Variants in TMCO4 observed in about 807,000 individuals in gnomAD.
TMCO4 encodes transmembrane and coiled-coil domains 4, also known as transmembrane and coiled-coil domain-containing protein 4.
TMCO4 carries 58 observed loss-of-function variants against 64.7 expected under a neutral mutation model. That is an observed-to-expected ratio of 0.90 (90% CI 0.73 to 1.12). The LOEUF is 1.12. Ranked by LOEUF, TMCO4 falls within the 50% of genes most tolerant of loss-of-function variation. The pLI, the probability that TMCO4 is intolerant of heterozygous loss-of-function variation, is 0.00. For synonymous variants in TMCO4, 325 were observed against 346.1 expected, an observed-to-expected ratio of 0.94 and a Z score of 0.68; for missense variants, 780 against 825.9, an observed-to-expected ratio of 0.94 and a Z score of 0.68.
In TMCO4 at chr1:19,682,430, T is replaced by C. The variant is rs1350211513; in HGVS notation, c.*610A>G. 3.4e-6 allele frequency: 2 copies of C among 582,554 alleles called. No homozygotes were observed. Among genetic ancestry groups the C allele is most frequent in the East Asian group, 5.6e-5 (2 of 35,868 alleles). 36.1% of individuals were successfully genotyped at this position (582,554 alleles called of 1,614,324 possible). A position where few individuals can be genotyped will look rare whatever the true frequency, so the allele number is the denominator to read the frequency against. On this transcript the variant is annotated 3_prime_UTR_variant, in exon 16 of 16. Coordinates refer to ENST00000294543, the MANE Select transcript of TMCO4 (RefSeq NM_181719.7). Reference sequence around the variant, plus strand: ...GACGGGGGAGCACACTCACATTGTGTCTGTGTGACTCATGTCCCTGGAGTT... The same window carrying C: ...GACGGGGGAGCACACTCACATTGTGCCTGTGTGACTCATGTCCCTGGAGTT...
chr1:19,745,430 C>T, intron 10 of TMCO4, 102 bp downstream of exon 10: 12 of 1,528,610 alleles, frequency 7.9e-6, no homozygotes, highest in Non-Finnish European at 9.7e-6. Flanking sequence ...CGAAATGGGG[C>T]TCCCTATACC....
intron 15 of TMCO4, among the ~76,000 whole-genome samples, chr1:19,691,890 G>T (rs182955395): frequency 1.3e-5 from 2 of 152,158 alleles, no homozygotes; most frequent in Non-Finnish European, 2.9e-5. Context: ...TAGTGAATAC[G>T]TCTCCTGAGA....
At chr1:19,693,816 C>T (rs1376417036) in intron 15 of TMCO4, among the ~76,000 whole-genome samples, 1 of 152,138 alleles carries the variant, frequency 6.6e-6, no homozygotes, top group Non-Finnish European at 1.5e-5. Flanking sequence ...CCTGTGTCCC[C>T]TGCTTGCTCC....
intron 6 of TMCO4, among the ~76,000 whole-genome samples, chr1:19,763,242 CT>C (rs2100983149): frequency 6.6e-6 from 1 of 152,050 alleles, no homozygotes; most frequent in African/African-American, 2.4e-5. Context: ...TGCCTGGTAA[CT>C]TTTTGTATTT....
Position 19,683,382 on chromosome 1 carries a change from G to A in TMCO4, c.1563C>T (p.Arg521=). The change falls in exon 16 of 16, where the codon CGC becomes CGT. Residue 521 remains arginine, a synonymous_variant. Coordinates refer to ENST00000294543, the MANE Select transcript of TMCO4 (RefSeq NM_181719.7). The stretch of plus-strand genomic sequence containing the variant: ...CCTTCTCGTCCCAGCCTGGCTTGGT[G>A]CGGATGCCCACGGCCTTCAGGATGG... ...MDAILKAVGI[R]TKPGWDEKGL... 6.2e-7 allele frequency: 1 copy of A among 1,613,792 alleles called. No homozygotes were observed. The highest frequency in any genetic ancestry group is 8.5e-7 in the Non-Finnish European group (1 of 1,180,030).
chr1:19,701,965 G>T (rs1368193628), intron 13 of TMCO4, among the ~76,000 whole-genome samples: 1 of 151,916 alleles, frequency 6.6e-6, no homozygotes. Flanking sequence ...TGAGACCCTT[G>T]TCTTTTATTT....
chr1:19,682,833 G>A lies in TMCO4; in HGVS notation c.*207C>T. The stretch of plus-strand genomic sequence containing the variant: ...CTGCTCCCTGGTGGGGCTCCTCTGG[G>A]GACAGGCAGCTTCCCAAGGGTGGGC... On this transcript the variant is annotated 3_prime_UTR_variant, in exon 16 of 16. Transcript: ENST00000294543. 1.3e-6 allele frequency: 1 copy of A among 766,930 alleles called. No individual in the cohort carries two copies. The highest frequency in any genetic ancestry group is 2.7e-5 in the East Asian group (1 of 37,374). The allele number at this position is 766,930 out of a possible 1,614,324, so 47.5% of individuals were successfully genotyped here. A position where few individuals can be genotyped will look rare whatever the true frequency, so the allele number is the denominator to read the frequency against.
At chr1:19,726,313 T>C (rs77535295) in intron 13 of TMCO4, among the ~76,000 whole-genome samples, 2,321 of 152,194 alleles carry the variant, frequency 0.015, 58 homozygotes, top group African/African-American at 0.053. Flanking sequence ...GTGATGGCCC[T>C]GGGTGTGATG....
At chr1:19,782,653 G>A (rs1304381551) in intron 3 of TMCO4, among the ~76,000 whole-genome samples, 2 of 152,204 alleles carry the variant, frequency 1.3e-5, no homozygotes, top group African/African-American at 4.8e-5. Flanking sequence ...AAGGGAAAGG[G>A]AGGAGAAGAG....
chr1:19,741,719 G>GCTTTT (rs1389946112), intron 10 of TMCO4, among the ~76,000 whole-genome samples: 1 of 150,176 alleles, frequency 6.7e-6, no homozygotes, highest in East Asian at 1.9e-4. Context: ...GGCCCAAGTG[G>GCTTTT]CTTTTCTTTT....
At chr1:19,791,914 G>A (rs1282609469) in intron 2 of TMCO4, among the ~76,000 whole-genome samples, 1 of 152,182 alleles carries the variant, frequency 6.6e-6, no homozygotes, top group African/African-American at 2.4e-5. Flanking sequence ...CACATGTCAT[G>A]GGAGGGACTT....
In TMCO4 at chr1:19,687,160, CG is replaced by C. The variant is rs1473109760; in HGVS notation, c.1501-3717del. Among the ~76,000 whole-genome samples, 5 of 152,226 alleles carry C rather than the reference CG, an allele frequency of 3.3e-5. No individual in the cohort carries two copies. The East Asian group carries it at 9.7e-4, about 29-fold the overall frequency. On this transcript the variant is annotated intron_variant, in intron 15 of 15. Transcript: ENST00000294543. Reference sequence around the variant, plus strand: ...AGAGACAGTATTTCACCATGTTGGCCGGGCTGGTCTCGGACTCCCAACCTCA... The same window carrying C: ...AGAGACAGTATTTCACCATGTTGGCCGGCTGGTCTCGGACTCCCAACCTCA...
At chr1:19,753,031 C>G (rs1489681920) in intron 7 of TMCO4, among the ~76,000 whole-genome samples, 2 of 151,820 alleles carry the variant, frequency 1.3e-5, no homozygotes, top group Non-Finnish European at 2.9e-5. Flanking sequence ...ATGATCTCGG[C>G]TCACTGCAAC....
intron 3 of TMCO4, among the ~76,000 whole-genome samples, chr1:19,783,813 C>T (rs1344388029): frequency 6.6e-6 from 1 of 152,290 alleles, no homozygotes; most frequent in Admixed American, 6.5e-5. Flanking sequence ...GATGGAGAAA[C>T]GGAGGCCCAG....
At chr1:19,726,805 G>C (rs2095410745) in intron 13 of TMCO4, among the ~76,000 whole-genome samples, 1 of 152,164 alleles carries the variant, frequency 6.6e-6, no homozygotes, top group Non-Finnish European at 1.5e-5. Context: ...TTACAAGCAG[G>C]TAGTAGGGAT....
At chr1:19,721,967 T>C (rs1466146868) in intron 13 of TMCO4, among the ~76,000 whole-genome samples, 4 of 152,176 alleles carry the variant, frequency 2.6e-5, no homozygotes, top group East Asian at 1.9e-4. Flanking sequence ...CAAACACCAA[T>C]AGCCTTAACA....
chr1:19,746,987 C>A (rs2041822788), intron 8 of TMCO4, among the ~76,000 whole-genome samples, 176 bp downstream of exon 8: 1 of 151,574 alleles, frequency 6.6e-6, no homozygotes, highest in South Asian at 2.1e-4. Context: ...CCTACTGCCT[C>A]CCATGGAAGT....
chr1:19,791,470 G>A (rs2044033826), intron 2 of TMCO4, among the ~76,000 whole-genome samples: 1 of 152,160 alleles, frequency 6.6e-6, no homozygotes, highest in East Asian at 1.9e-4. Flanking sequence ...GGACAGGCTG[G>A]GACCCCAAAC....
chr1:19,768,756 C>T (rs2042852798), intron 6 of TMCO4, among the ~76,000 whole-genome samples: 1 of 152,150 alleles, frequency 6.6e-6, no homozygotes. Flanking sequence ...GAGCAGCGCT[C>T]CTCTAAGTAG....
Sources: gnomAD v4.1 joint callset for allele counts (sites outside exome capture counted in the v4.1 genomes callset) on GRCh38, gnomAD v4.1.1 for gene constraint, MANE v1.5 for transcripts, NCBI Gene and HGNC (gene_info 2026-07-23, HGNC 2026-07-21) for gene names.